Variants in FRAS1 observed in about 807,000 individuals in gnomAD.
FRAS1 encodes the protein extracellular matrix organizing protein FRAS1.
In FRAS1, 290 loss-of-function variants were observed where a neutral mutation model predicts 435.2. That is an observed-to-expected ratio of 0.67 (90% CI 0.61 to 0.73). The LOEUF (loss-of-function observed/expected upper bound fraction) is 0.73. Ranked by LOEUF, FRAS1 falls within the 30% of genes least tolerant of loss-of-function variation. The pLI is 0.00. For synonymous variants in FRAS1, 1,800 were observed against 1,851.0 expected (o/e 0.97, Z 0.71); for missense variants, 4,860 against 5,001.5 (o/e 0.97, Z 0.85).
intron 18 of FRAS1, among the ~76,000 whole-genome samples, chr4:78,328,289 T>C (rs185168758): frequency 2.6e-5 from 4 of 152,344 alleles, no homozygotes; most frequent in African/African-American, 9.6e-5. Context: ...TAGTTTTTAA[T>C]TCCACAGTGA....
At chr4:78,166,099 A>G (rs1721322270) in intron 2 of FRAS1, among the ~76,000 whole-genome samples, 1 of 152,182 alleles carries the variant, frequency 6.6e-6, no homozygotes, top group Non-Finnish European at 1.5e-5. Flanking sequence ...TGGTTATTTA[A>G]ATACCTACCA....
chr4:78,379,581 A>C, intron 26 of FRAS1, 145 bp from the exon 27 acceptor site: 1 of 766,142 alleles, frequency 1.3e-6, no homozygotes, highest in East Asian at 2.6e-5. Flanking sequence ...CTGTTTATGC[A>C]GTGAAATCAA....
chr4:78,276,913 G>T (rs1727072166), intron 9 of FRAS1, among the ~76,000 whole-genome samples: 1 of 152,212 alleles, frequency 6.6e-6, no homozygotes. Flanking sequence ...GCCCCCAGAG[G>T]TGGAGTCTAC....
rs552850902 is a variant in FRAS1 at position 78,475,724 on chromosome 4, G to A, written c.7851+118G>A. 44 of 892,430 alleles carry A rather than the reference G, an allele frequency of 4.9e-5. No homozygotes were observed. In the African/African-American group the frequency reaches 6.1e-4, roughly 12 times the overall value. The allele number at this position is 892,430 out of a possible 1,614,324, so 55.3% of individuals were successfully genotyped here. On this transcript the variant is annotated intron_variant, in intron 54 of 73. Coordinates refer to ENST00000512123, the MANE Select transcript of FRAS1 (RefSeq NM_025074.7). ...GCTTTTCACTGGTGTCCTTCTTCAA[G>A]TATTAAATAGTTTTCCTATGTTCCC... is the stretch of plus-strand genomic sequence containing the variant.
At chr4:78,502,123 A>G (rs948008360) in intron 61 of FRAS1, among the ~76,000 whole-genome samples, 2 of 152,086 alleles carry the variant, frequency 1.3e-5, no homozygotes, top group African/African-American at 2.4e-5. Context: ...TACTGTAGCC[A>G]TGTAGTATAG....
intron 2 of FRAS1, among the ~76,000 whole-genome samples, chr4:78,215,419 C>T (rs1474464677): frequency 6.6e-6 from 1 of 152,136 alleles, no homozygotes; most frequent in Non-Finnish European, 1.5e-5. Context: ...TGGTCTTGAT[C>T]TCTTGACCTC....
chr4:78,209,918 C>T (rs1723431883), intron 2 of FRAS1, among the ~76,000 whole-genome samples: 1 of 152,212 alleles, frequency 6.6e-6, no homozygotes, highest in African/African-American at 2.4e-5. Context: ...ACTCTGTGCT[C>T]TTTAGCTCCC....
At chr4:78,237,476 C>G in intron 2 of FRAS1, 34 bp from the exon 3 acceptor site, 2 of 1,445,906 alleles carry the variant, frequency 1.4e-6, no homozygotes, top group Non-Finnish European at 9.7e-7. Flanking sequence ...CTTGACTGAT[C>G]AGTTTTTAAA....
chr4:78,433,595 G>A (rs1187232517), intron 38 of FRAS1, among the ~76,000 whole-genome samples: 1 of 152,114 alleles, frequency 6.6e-6, no homozygotes, highest in African/African-American at 2.4e-5. Context: ...CCCTCAAATG[G>A]TCCTTTCTTC....
In FRAS1 at chr4:78,218,098, T is replaced by TCTCTCACACACACA. The variant is rs368430185; in HGVS notation, c.109-19411_109-19410insTCTCACACACACAC. Among the ~76,000 whole-genome samples the TCTCTCACACACACA allele has an allele frequency of 2.8e-4, 11 of 39,738 alleles. 1 individual carries two copies. Among genetic ancestry groups the TCTCTCACACACACA allele is most frequent in the African/African-American group, 3.9e-4 (4 of 10,278 alleles). The allele number at this position is 39,738 out of a possible 152,430, so 26.1% of individuals were successfully genotyped here. A position where few individuals can be genotyped will look rare whatever the true frequency, so the allele number is the denominator to read the frequency against. On this transcript the variant is annotated intron_variant, in intron 2 of 73. Transcript: ENST00000512123. ...CCTTCTCTCTCTCTCTCACTCTCTC[T>TCTCTCACACACACA]CACACACACACACACACACACACAC...
chr4:78,064,634 G>T (rs1171973034), intron 1 of FRAS1, among the ~76,000 whole-genome samples: 1 of 151,482 alleles, frequency 6.6e-6, no homozygotes, highest in African/African-American at 2.4e-5. Context: ...GAATATCAGG[G>T]ACATAAAAAT....
chr4:78,079,734 A>G lies in FRAS1; in HGVS notation c.108+13718A>G, dbSNP rs558719200. Among the ~76,000 whole-genome samples, 2 of 152,248 alleles carry G rather than the reference A, an allele frequency of 1.3e-5. 1 individual carries two copies. The highest frequency in any genetic ancestry group is 4.1e-4 in the South Asian group (2 of 4,824). On this transcript the variant is annotated intron_variant, in intron 2 of 73. Transcript: ENST00000512123. The stretch of plus-strand genomic sequence containing the variant: ...AAAGTGAGTCCCCTTCAGAGATGCT[A>G]TCTCCGGCAAAAGTTCCAGAAAACA...
intron 45 of FRAS1, 21 bp downstream of exon 45, chr4:78,450,360 C>T: frequency 6.2e-7 from 1 of 1,608,180 alleles, no homozygotes; most frequent in Non-Finnish European, 8.5e-7. Context: ...TCTCTTCTGC[C>T]TACCAGGCTT....
At chr4:78,369,600 G>A (rs548973877) in intron 22 of FRAS1, among the ~76,000 whole-genome samples, 2 of 151,408 alleles carry the variant, frequency 1.3e-5, no homozygotes, top group East Asian at 3.9e-4. Flanking sequence ...TTTGGATATG[G>A]GATTTCCATT....
At chr4:78,377,003 A>T (rs939032694) in intron 26 of FRAS1, among the ~76,000 whole-genome samples, 2 of 152,100 alleles carry the variant, frequency 1.3e-5, no homozygotes, top group Non-Finnish European at 2.9e-5. Context: ...CAAAAATAAT[A>T]ATAATAATAG....
chr4:78,104,273 T>C (rs1742279357), intron 2 of FRAS1, among the ~76,000 whole-genome samples: 2 of 152,236 alleles, frequency 1.3e-5, no homozygotes, highest in South Asian at 2.1e-4. Flanking sequence ...ACAGTTCCTT[T>C]GGCAATTATA....
chr4:78,080,229 G>A (rs1740833048), intron 2 of FRAS1, among the ~76,000 whole-genome samples: 1 of 152,140 alleles, frequency 6.6e-6, no homozygotes, highest in Admixed American at 6.6e-5. Context: ...GCCTCGAGAA[G>A]CCTGATTGAT....
intron 35 of FRAS1, among the ~76,000 whole-genome samples, chr4:78,427,076 T>C (rs2110381714): frequency 6.6e-6 from 1 of 152,294 alleles, no homozygotes; most frequent in South Asian, 2.1e-4. Flanking sequence ...ATCCTCAATG[T>C]GGCAGTATTG....
At chr4:78,482,559 G>A in intron 58 of FRAS1, 24 bp downstream of exon 58, 1 of 1,606,232 alleles carries the variant, frequency 6.2e-7, no homozygotes. Flanking sequence ...GATGCCAGCT[G>A]GTAGGTCCAA....
Sources: gnomAD v4.1 joint callset for allele counts (sites outside exome capture counted in the v4.1 genomes callset) on GRCh38, gnomAD v4.1.1 for gene constraint, MANE v1.5 for transcripts, NCBI Gene and HGNC (gene_info 2026-07-23, HGNC 2026-07-21) for gene names.